SLX4IP: variants seen among roughly 807,000 people sequenced by gnomAD.
SLX4IP encodes protein SLX4IP.
SLX4IP carries 34 observed loss-of-function variants against 32.9 expected under a neutral mutation model. That is an observed-to-expected ratio of 1.03 (90% CI 0.79 to 1.38). SLX4IP has a LOEUF of 1.38. SLX4IP is among the 40% of genes most tolerant of loss of function. SLX4IP has a pLI of 0.00. For synonymous variants in SLX4IP, 172 were observed against 171.7 expected (o/e 1.00, Z -0.01); for missense variants, 444 against 479.0 (o/e 0.93, Z 0.68).
At chr20:10,605,505 G>T (rs2066895680) in intron 6 of SLX4IP, among the ~76,000 whole-genome samples, 3 of 152,088 alleles carry the variant, frequency 2.0e-5, no homozygotes, top group South Asian at 4.1e-4. Flanking sequence ...GGTTCCATTG[G>T]ATCTCTTCTG....
At chr20:10,515,043 T>A (rs1183055991) in intron 2 of SLX4IP, among the ~76,000 whole-genome samples, 1 of 151,794 alleles carries the variant, frequency 6.6e-6, no homozygotes, top group Non-Finnish European at 1.5e-5. Flanking sequence ...GGTCGATGCG[T>A]CTTTTGTTAA....
chr20:10,594,886 T>C (rs556003732), intron 4 of SLX4IP, among the ~76,000 whole-genome samples: 99 of 152,292 alleles, frequency 6.5e-4, no homozygotes, highest in Middle Eastern at 3.4e-3. Flanking sequence ...TCATATGCAT[T>C]ACTGACCACC....
Position 10,518,459 on chromosome 20 carries a change from CTTCCTTTCCTTTCT to C in SLX4IP, c.28-37769_28-37756del, listed in dbSNP as rs1217827550. Reference sequence around the variant, plus strand: ...TCCTTCTTCCTTCCTTCCTTCCTTCCTTCCTTTCCTTTCTTTTCCTTTCCTTTCCTTTTCCTTCC... The same window carrying C: ...TCCTTCTTCCTTCCTTCCTTCCTTCCTTTCCTTTCCTTTCCTTTTCCTTCC... On this transcript the variant is annotated intron_variant, in intron 2 of 7. Coordinates refer to ENST00000334534, the MANE Select transcript of SLX4IP (RefSeq NM_001009608.3). Among the ~76,000 whole-genome samples the C allele has an allele frequency of 3.0e-4, 13 of 42,844 alleles. 1 individual carries two copies. Among genetic ancestry groups the C allele is most frequent in the African/African-American group, 8.6e-4 (13 of 15,196 alleles). 28.1% of individuals were successfully genotyped at this position (42,844 alleles called of 152,430 possible).
chr20:10,477,508 C>A (rs569327477), intron 2 of SLX4IP, among the ~76,000 whole-genome samples: 20 of 152,268 alleles, frequency 1.3e-4, no homozygotes, highest in African/African-American at 4.6e-4. Context: ...CTCAGGTGAT[C>A]CGCTTGCCTC....
At chr20:10,535,315 A>G (rs1406910978) in intron 2 of SLX4IP, among the ~76,000 whole-genome samples, 1 of 152,052 alleles carries the variant, frequency 6.6e-6, no homozygotes, top group African/African-American at 2.4e-5. Flanking sequence ...TTTGGAAAGA[A>G]CGTGCAGGTT....
intron 2 of SLX4IP, among the ~76,000 whole-genome samples, chr20:10,535,541 C>T (rs1419638376): frequency 2.0e-5 from 3 of 152,140 alleles, no homozygotes; most frequent in African/African-American, 7.2e-5. Context: ...AGGCTGATCT[C>T]GAACTCCTGA....
At chr20:10,559,273 A>C (rs1401507626) in intron 3 of SLX4IP, among the ~76,000 whole-genome samples, 1 of 152,236 alleles carries the variant, frequency 6.6e-6, no homozygotes, top group African/African-American at 2.4e-5. Context: ...AGAGGAAACC[A>C]GTGTTTGTAC....
At position 10,626,646 on chromosome 20, in the gene SLX4IP, G is replaced by C. The variant is rs2122579584; in HGVS notation, c.*3267G>C. The C allele has an allele frequency of 6.6e-6, 1 of 152,252 alleles. No homozygotes were observed. The highest frequency in any genetic ancestry group is 1.5e-5 in the Non-Finnish European group (1 of 68,004). The allele number at this position is 152,252 out of a possible 1,614,324, so 9.4% of individuals were successfully genotyped here. On this transcript the variant is annotated 3_prime_UTR_variant, in exon 8 of 8. Transcript: ENST00000334534. Reference sequence around the variant, plus strand: ...AGAAAGGTCTGGGAACAATCTGTATGATTTTTCTTTCACATTTTCTTATCT... The same window carrying C: ...AGAAAGGTCTGGGAACAATCTGTATCATTTTTCTTTCACATTTTCTTATCT...
chr20:10,507,365 A>T (rs1323337266), intron 2 of SLX4IP, among the ~76,000 whole-genome samples: 1 of 152,232 alleles, frequency 6.6e-6, no homozygotes, highest in East Asian at 1.9e-4. Flanking sequence ...CTGCCCCTTT[A>T]AAGTGGGGAG....
intron 4 of SLX4IP, among the ~76,000 whole-genome samples, chr20:10,581,933 G>A (rs1222925539): frequency 6.6e-6 from 1 of 152,054 alleles, no homozygotes; most frequent in Non-Finnish European, 1.5e-5. Flanking sequence ...ACCCGAAGTG[G>A]GATGACTGAG....
In SLX4IP at chr20:10,622,586, T is replaced by A; in HGVS notation, c.507-73T>A. ...CCTCCTTTTTCAGGTGTAGGAAATGTGGTAGAGGGAATCTGGAGGAAACAG... is the reference window on the plus strand; with the variant it reads ...CCTCCTTTTTCAGGTGTAGGAAATGAGGTAGAGGGAATCTGGAGGAAACAG... On this transcript the variant is annotated intron_variant, in intron 7 of 7. Transcript: ENST00000334534. The A allele has an allele frequency of 2.0e-6, 3 of 1,516,486 alleles. No homozygotes were observed. In the Admixed American group the frequency reaches 6.1e-5, roughly 31 times the overall value. The allele number at this position is 1,516,486 out of a possible 1,614,324, so 93.9% of individuals were successfully genotyped here. A position where few individuals can be genotyped will look rare whatever the true frequency, so the allele number is the denominator to read the frequency against.
intron 1 of SLX4IP, among the ~76,000 whole-genome samples, chr20:10,447,866 ATT>A (rs35397723): frequency 1.3e-3 from 158 of 119,488 alleles, no homozygotes; most frequent in Admixed American, 1.3e-3. Context: ...CACCTGGCTG[ATT>A]TTTTTTTTTT....
chr20:10,437,331 C>A (rs1461858906), intron 1 of SLX4IP, among the ~76,000 whole-genome samples: 1 of 152,168 alleles, frequency 6.6e-6, no homozygotes, highest in Non-Finnish European at 1.5e-5. Context: ...ATCAAGAGTT[C>A]TCAGCCTTGG....
chr20:10,571,536 C>T (rs112511899), intron 4 of SLX4IP, among the ~76,000 whole-genome samples: 3,927 of 152,258 alleles, frequency 0.026, 102 homozygotes, highest in Admixed American at 0.087. Context: ...ATCACCTCCT[C>T]CAAGGAGCCT....
intron 2 of SLX4IP, among the ~76,000 whole-genome samples, chr20:10,503,558 C>A (rs1455351754): frequency 6.6e-6 from 1 of 152,230 alleles, no homozygotes; most frequent in African/African-American, 2.4e-5. Flanking sequence ...TCTCTGTTCA[C>A]AAATGACATG....
rs185854786 is a variant in SLX4IP at position 10,591,053 on chromosome 20, G to T, written c.239-7622G>T. Among the ~76,000 whole-genome samples the T allele has an allele frequency of 2.6e-5, 4 of 152,210 alleles. No homozygotes were observed. In the East Asian group the frequency reaches 7.7e-4, roughly 29 times the overall value. ...CTGGTACCCCTGTGCCCTAGTTTCCGATGAGTTTGAAAATCACTGCTGTCC... is the reference window on the plus strand; with the variant it reads ...CTGGTACCCCTGTGCCCTAGTTTCCTATGAGTTTGAAAATCACTGCTGTCC... On this transcript the variant is annotated intron_variant, in intron 4 of 7. Coordinates refer to ENST00000334534, the MANE Select transcript of SLX4IP (RefSeq NM_001009608.3).
At chr20:10,467,162 G>C (rs1002028760) in intron 2 of SLX4IP, among the ~76,000 whole-genome samples, 4 of 152,060 alleles carry the variant, frequency 2.6e-5, no homozygotes. Flanking sequence ...AGGTTTTTTC[G>C]TCTACTTAAA....
intron 1 of SLX4IP, among the ~76,000 whole-genome samples, chr20:10,445,105 C>T (rs935059255): frequency 6.6e-6 from 1 of 152,022 alleles, no homozygotes; most frequent in Non-Finnish European, 1.5e-5. Flanking sequence ...GGACATGCCC[C>T]TCAGCTCCCA....
chr20:10,570,383 A>G (rs2066447971), intron 4 of SLX4IP, among the ~76,000 whole-genome samples: 1 of 152,144 alleles, frequency 6.6e-6, no homozygotes, highest in Admixed American at 6.5e-5. Flanking sequence ...TGAGCCACAT[A>G]CCATTTTGCA....
Sources: allele counts gnomAD v4.1 joint callset (sites outside exome capture counted in the v4.1 genomes callset), GRCh38; gene constraint gnomAD v4.1.1; transcripts MANE v1.5; gene names NCBI Gene and HGNC (gene_info 2026-07-23, HGNC 2026-07-21).